Variants in BIRC6 observed in about 807,000 individuals in gnomAD.
BIRC6 encodes dual E2 ubiquitin-conjugating enzyme/E3 ubiquitin-protein ligase BIRC6.
A neutral mutation model predicts 503.3 loss-of-function variants in BIRC6; 98 were observed. That is an observed-to-expected ratio of 0.19 (90% confidence interval 0.17 to 0.23). The LOEUF (loss-of-function observed/expected upper bound fraction) is 0.23, where lower values mean the gene tolerates loss of function less well. Among genes scored for constraint, BIRC6 ranks in the 10% least tolerant of loss-of-function variants. BIRC6 has a pLI of 1.00. For missense variants in BIRC6, 5,360 were observed against 5,806.0 expected (o/e 0.92, Z 2.50); for synonymous variants, 2,240 against 2,078.7 (o/e 1.08, Z -2.11).
intron 65 of BIRC6, among the ~76,000 whole-genome samples, chr2:32,560,129 C>T (rs879570234): frequency 1.3e-5 from 2 of 152,142 alleles, no homozygotes; most frequent in Non-Finnish European, 2.9e-5. Flanking sequence ...TAAAGAAAAG[C>T]ATACTTACGT....
intron 3 of BIRC6, among the ~76,000 whole-genome samples, chr2:32,382,197 G>A (rs916211567): frequency 5.3e-5 from 8 of 152,200 alleles, no homozygotes; most frequent in African/African-American, 1.7e-4. Flanking sequence ...AATAGGCCCC[G>A]TGGATCTGGG....
At chr2:32,598,572 A>G (rs1443277952) in intron 69 of BIRC6, among the ~76,000 whole-genome samples, 1 of 152,188 alleles carries the variant, frequency 6.6e-6, no homozygotes, top group Non-Finnish European at 1.5e-5. Context: ...CTTAAATTCC[A>G]AGAGTCTGCT....
chr2:32,508,272 T>G lies in BIRC6; in HGVS notation c.9980+13T>G. On this transcript the variant is annotated intron_variant, in intron 51 of 73. Coordinates refer to ENST00000421745, the MANE Select transcript of BIRC6 (RefSeq NM_016252.4). ...TATCCAAAACAAGGTATGTTTTGTT[T>G]GTCCTTTTTTTTTTTTTTTTTTTTT... 2 of 1,385,722 alleles carry G rather than the reference T, an allele frequency of 1.4e-6. No individual in the cohort carries two copies. Among genetic ancestry groups the G allele is most frequent in the Non-Finnish European group, 9.6e-7 (1 of 1,046,020 alleles). The allele number at this position is 1,385,722 out of a possible 1,614,324, so 85.8% of individuals were successfully genotyped here.
chr2:32,555,759 G>A (rs1257783839), intron 65 of BIRC6, among the ~76,000 whole-genome samples: 1 of 151,928 alleles, frequency 6.6e-6, no homozygotes, highest in African/African-American at 2.4e-5. Flanking sequence ...TCACCAGCCT[G>A]GGCAACTTAG....
intron 10 of BIRC6, among the ~76,000 whole-genome samples, chr2:32,428,693 T>A (rs892116198): frequency 1.3e-5 from 2 of 152,190 alleles, no homozygotes; most frequent in Admixed American, 6.5e-5. Context: ...AACTAGAAAT[T>A]TGAGTTGCCT....
chr2:32,421,803 T>A (rs1467576524), intron 10 of BIRC6, among the ~76,000 whole-genome samples: 1 of 152,218 alleles, frequency 6.6e-6, no homozygotes, highest in Admixed American at 6.5e-5. Flanking sequence ...AGAATTTGTG[T>A]TGGGCACCCA....
intron 15 of BIRC6, among the ~76,000 whole-genome samples, chr2:32,437,883 T>G (rs1230870609): frequency 6.6e-6 from 1 of 152,176 alleles, no homozygotes; most frequent in Non-Finnish European, 1.5e-5. Context: ...CTCAAATTGT[T>G]TAGATTATAG....
At chr2:32,395,930 A>G (rs2039826490) in intron 6 of BIRC6, among the ~76,000 whole-genome samples, 1 of 152,214 alleles carries the variant, frequency 6.6e-6, no homozygotes, top group South Asian at 2.1e-4. Flanking sequence ...TAGGGAATCC[A>G]TGGAGAGAGC....
chr2:32,535,026 G>T (rs532017349), intron 61 of BIRC6, among the ~76,000 whole-genome samples: 1 of 151,408 alleles, frequency 6.6e-6, no homozygotes, highest in Non-Finnish European at 1.5e-5. Flanking sequence ...AACAAAGACA[G>T]CTGGCCACTG....
intron 69 of BIRC6, among the ~76,000 whole-genome samples, chr2:32,598,860 T>C (rs1229720297): frequency 6.6e-6 from 1 of 151,280 alleles, no homozygotes; most frequent in East Asian, 2.0e-4. Context: ...CCGTCTCTAC[T>C]AAAAATACAA....
At chr2:32,410,078 A>G (rs2041686916) in intron 9 of BIRC6, among the ~76,000 whole-genome samples, 1 of 152,254 alleles carries the variant, frequency 6.6e-6, no homozygotes. Flanking sequence ...GTGTTAATAT[A>G]TGTAATTTAT....
chr2:32,366,606 G>A (rs1350925908), intron 1 of BIRC6, among the ~76,000 whole-genome samples: 1 of 152,086 alleles, frequency 6.6e-6, no homozygotes, highest in Non-Finnish European at 1.5e-5. Context: ...AGAACAGTGG[G>A]GACGCAAGCA....
intron 46 of BIRC6, among the ~76,000 whole-genome samples, chr2:32,501,339 C>T (rs906991194): frequency 2.6e-5 from 4 of 152,224 alleles, no homozygotes; most frequent in African/African-American, 9.6e-5. Context: ...GTGATGTTCT[C>T]AGTCATATAA....
At chr2:32,494,232 C>G (rs971536822) in intron 45 of BIRC6, among the ~76,000 whole-genome samples, 30 of 144,036 alleles carry the variant, frequency 2.1e-4, no homozygotes, top group Non-Finnish European at 4.4e-4. Context: ...CTGATGAAAA[C>G]TTTTTTTTTT....
chr2:32,600,608 T>G (rs1294723932), intron 70 of BIRC6, among the ~76,000 whole-genome samples: 2 of 152,186 alleles, frequency 1.3e-5, no homozygotes, highest in African/African-American at 4.8e-5. Flanking sequence ...CAACATTGAC[T>G]TTACTTGAGA....
chr2:32,417,241 C>T (rs62136286), intron 10 of BIRC6, among the ~76,000 whole-genome samples: 9,261 of 152,200 alleles, frequency 0.061, 453 homozygotes, highest in Admixed American at 0.15. Flanking sequence ...GTAGTCCTCT[C>T]GCCTTGGTCT....
At chr2:32,570,652 A>G (rs1171398154) in intron 65 of BIRC6, among the ~76,000 whole-genome samples, 2 of 147,732 alleles carry the variant, frequency 1.4e-5, no homozygotes, top group African/African-American at 2.5e-5. Flanking sequence ...GACTTGCACC[A>G]CAACACCCGG....
chr2:32,414,714 A>T (rs946497629), intron 9 of BIRC6, 55 bp from the exon 10 acceptor site: 9 of 1,298,004 alleles, frequency 6.9e-6, no homozygotes, highest in Middle Eastern at 1.9e-4. Context: ...TGTATTCATA[A>T]TGTGCTGACT....
intron 65 of BIRC6, chr2:32,564,795 C>T (rs2059421082): frequency 6.6e-6 from 1 of 152,232 alleles, no homozygotes; most frequent in Non-Finnish European, 1.5e-5. Flanking sequence ...TCCTGCCCCT[C>T]ACCCCGCTAG....
Sources: gnomAD v4.1 joint callset for allele counts (sites outside exome capture counted in the v4.1 genomes callset) on GRCh38, gnomAD v4.1.1 for gene constraint, MANE v1.5 for transcripts, NCBI Gene and HGNC (gene_info 2026-07-23, HGNC 2026-07-21) for gene names.